The following TEAD3 variants were observed in gnomAD, a reference collection of about 807,000 sequenced individuals.
The protein encoded by TEAD3 is TEA domain transcription factor 3, also known as transcriptional enhancer factor TEF-5.
TEAD3 carries 15 observed loss-of-function variants against 55.6 expected under a neutral mutation model. The observed-to-expected ratio is 0.27, with a 90% CI of 0.18 to 0.42. The LOEUF is 0.42. TEAD3 is among the 10% of genes least tolerant of loss of function. The pLI is 1.00. For synonymous variants in TEAD3, 210 were observed against 232.2 expected (o/e 0.90, Z 0.87); for missense variants, 407 against 576.8 (o/e 0.71, Z 3.01).
rs187414804 is a variant in TEAD3, at chr6:35,488,746, C to T, written c.-49-2035G>A. ...TTTTATTTGTTTTTTATTTTTTAGA[C>T]GGAGTCTTGCTCTGTCGCCCAGGCT... On this transcript the variant is annotated intron_variant, in intron 1 of 12. Coordinates refer to ENST00000639578, the Ensembl canonical transcript of TEAD3. This position sits in a 1 kb window ranked among gnomAD's most constrained non-coding sequence, Gnocchi z 4.2. 1.2e-4 allele frequency among the ~76,000 whole-genome samples: 19 copies of T among 152,060 alleles called. No individual in the cohort carries two copies. Among genetic ancestry groups the T allele is most frequent in the Admixed American group, 9.2e-4 (14 of 15,262 alleles).
intron 3 of TEAD3, among the ~76,000 whole-genome samples, chr6:35,482,712 G>A (rs529796622): frequency 6.6e-6 from 1 of 152,026 alleles, no homozygotes; most frequent in Non-Finnish European, 1.5e-5. Flanking sequence ...AAAAGTTCAA[G>A]AACAACATGG....
rs545093465 is a variant in TEAD3 at position 35,474,971 on chromosome 6, C to A, written c.*73G>T. 9.2e-4 allele frequency: 1,211 copies of A among 1,316,758 alleles called. 1 individual carries two copies. The highest frequency in any genetic ancestry group is 1.1e-3 in the Non-Finnish European group (1,114 of 971,684). The allele number at this position is 1,316,758 out of a possible 1,614,324, so 81.6% of individuals were successfully genotyped here. On this transcript the variant is annotated 3_prime_UTR_variant, in exon 13 of 13. Coordinates refer to ENST00000639578, the Ensembl canonical transcript of TEAD3. Reference sequence around the variant, plus strand: ...GGTAGATGAATCCTCAATCCTGGACCCCCCCAGGGGTGCCAGGCAGGTGTG... The same window carrying A: ...GGTAGATGAATCCTCAATCCTGGACACCCCCAGGGGTGCCAGGCAGGTGTG...
chr6:35,496,823 C>A lies in TEAD3; in HGVS notation c.-50+75G>T, dbSNP rs1042385073. 1.0e-4 allele frequency: 16 copies of A among 152,410 alleles called. No homozygotes were observed. Among genetic ancestry groups the A allele is most frequent in the African/African-American group, 3.6e-4 (15 of 41,434 alleles). The allele number at this position is 152,410 out of a possible 1,614,324, so 9.4% of individuals were successfully genotyped here. Reference sequence around the variant, plus strand: ...GACCCAGTCCCCCTCGAGTGTCGCCCCCCCAGCCAGCCCAGCCGACCAACC... The same window carrying A: ...GACCCAGTCCCCCTCGAGTGTCGCCACCCCAGCCAGCCCAGCCGACCAACC... On this transcript the variant is annotated intron_variant, in intron 1 of 12. Transcript: ENST00000639578. The surrounding 1 kb of genome is among the most constrained non-coding windows in gnomAD (Gnocchi z 4.8).
At chr6:35,478,965 T>C (rs1280354007) in intron 5 of TEAD3, among the ~76,000 whole-genome samples, 2 of 150,586 alleles carry the variant, frequency 1.3e-5, no homozygotes, top group Non-Finnish European at 3.0e-5. Flanking sequence ...CTGCAAGCTC[T>C]GCCTCCTGAG....
rs985938993 is a variant in TEAD3 at position 35,491,514 on chromosome 6, G to A, written c.-49-4803C>T. Among the ~76,000 whole-genome samples, 1 of 152,072 alleles carries A rather than the reference G, an allele frequency of 6.6e-6. No individual in the cohort carries two copies. The highest frequency in any genetic ancestry group is 1.9e-4 in the East Asian group (1 of 5,188). On this transcript the variant is annotated intron_variant, in intron 1 of 12. Transcript: ENST00000639578. The surrounding 1 kb of genome is among the most constrained non-coding windows in gnomAD (Gnocchi z 4.4). ...GAGGCCACTGCCAGGGGCTGGGGCT[G>A]GCCACCATCCAGGACACCCCCACTC...
rs1581728348 is a variant in TEAD3, at chr6:35,488,897, A to G, written c.-49-2186T>C. Among the ~76,000 whole-genome samples the G allele has an allele frequency of 6.6e-6, 1 of 151,898 alleles. No homozygotes were observed. The highest frequency in any genetic ancestry group is 1.9e-4 in the East Asian group (1 of 5,152). The stretch of plus-strand genomic sequence containing the variant: ...GTGGCACGCACCTGTAGCTGGGATT[A>G]CAGGCGCATGCCACCATGCCCAGAT... On this transcript the variant is annotated intron_variant, in intron 1 of 12. Coordinates refer to ENST00000639578, the Ensembl canonical transcript of TEAD3. This position sits in a 1 kb window ranked among gnomAD's most constrained non-coding sequence, Gnocchi z 4.2.
rs779063813 is a variant in TEAD3, at chr6:35,480,294, G to T, written c.268-172C>A. The stretch of plus-strand genomic sequence containing the variant: ...GGGCCCAGGAGGGCTGAAGGCCCCC[G>T]CCAGGCACCCAACATACCTTGATGC... On this transcript the variant is annotated intron_variant, in intron 3 of 12. Coordinates refer to ENST00000639578, the Ensembl canonical transcript of TEAD3. 1 of 1,612,616 alleles carries T rather than the reference G, an allele frequency of 6.2e-7. No homozygotes were observed. Among genetic ancestry groups the T allele is most frequent in the African/African-American group, 1.3e-5 (1 of 74,904 alleles).
At chr6:35,495,404 T>C (rs998242924) in intron 1 of TEAD3, among the ~76,000 whole-genome samples, 2 of 152,152 alleles carry the variant, frequency 1.3e-5, no homozygotes, top group African/African-American at 2.4e-5. Flanking sequence ...CTCATTAGCA[T>C]TAATGACGTT....
At position 35,475,052 on chromosome 6, in the gene TEAD3, T is replaced by C. The variant is rs1321007544; in HGVS notation, c.1300A>G (p.Lys434Glu). The C allele has an allele frequency of 1.9e-6, 3 of 1,581,378 alleles. No homozygotes were observed. In the African/African-American group the frequency reaches 4.0e-5, roughly 21 times the overall value. The change falls in exon 13 of 13, where the codon AAA becomes GAA. Residue 434 changes from lysine (K) to glutamate (E), a missense_variant. Coordinates refer to ENST00000639578, the Ensembl canonical transcript of TEAD3. This position sits in a 1 kb window ranked among gnomAD's most constrained non-coding sequence, Gnocchi z 5.4. Reference sequence around the variant, plus strand: ...GAGGCGCAGAGGGCACCCTAGTCTTTGACGAGCTTGTAGACATGGTGCTGG... The same window carrying C: ...GAGGCGCAGAGGGCACCCTAGTCTTCGACGAGCTTGTAGACATGGTGCTGG...
chr6:35,475,741 A>C lies in TEAD3; in HGVS notation c.901-35T>G. Reference sequence around the variant, plus strand: ...GGGGTGGGGGGTGTTAGGTGCTGGCAGAGACCAGAAGTATTCCCGCCACAC... The same window carrying C: ...GGGGTGGGGGGTGTTAGGTGCTGGCCGAGACCAGAAGTATTCCCGCCACAC... On this transcript the variant is annotated intron_variant, in intron 10 of 12. Coordinates refer to ENST00000639578, the Ensembl canonical transcript of TEAD3. The surrounding 1 kb of genome is among the most constrained non-coding windows in gnomAD (Gnocchi z 5.4). The C allele has an allele frequency of 6.5e-7, 1 of 1,536,072 alleles. No homozygotes were observed. The highest frequency in any genetic ancestry group is 1.3e-5 in the South Asian group (1 of 78,078).
At chr6:35,481,559 G>C (rs934735251) in intron 3 of TEAD3, among the ~76,000 whole-genome samples, 3 of 152,224 alleles carry the variant, frequency 2.0e-5, no homozygotes, top group Non-Finnish European at 4.4e-5. Flanking sequence ...CGCTGTGACA[G>C]TAACTGGCGT....
Position 35,485,414 on chromosome 6 carries a change from G to C in TEAD3, c.203-790C>G, listed in dbSNP as rs1391914220. Among the ~76,000 whole-genome samples the C allele has an allele frequency of 6.6e-6, 1 of 152,116 alleles. No individual in the cohort carries two copies. The highest frequency in any genetic ancestry group is 1.5e-5 in the Non-Finnish European group (1 of 68,020). On this transcript the variant is annotated intron_variant, in intron 2 of 12. Coordinates refer to ENST00000639578, the Ensembl canonical transcript of TEAD3. This position sits in a 1 kb window ranked among gnomAD's most constrained non-coding sequence, Gnocchi z 4.3. The stretch of plus-strand genomic sequence containing the variant: ...CTTGGGCCTGAAAGGGGGATGCCTG[G>C]GCCACACGGCTGAGCCCAAGTCAGC...
intron 1 of TEAD3, among the ~76,000 whole-genome samples, chr6:35,490,922 C>A (rs1768502195): frequency 6.6e-6 from 1 of 151,926 alleles, no homozygotes; most frequent in African/African-American, 2.4e-5. Flanking sequence ...TCTAGAAACT[C>A]TGCCTCGCTG....
exon 9 of TEAD3, chr6:35,476,389 A>G (rs1426720276): frequency 6.2e-7 from 1 of 1,613,132 alleles, no homozygotes; most frequent in South Asian, 1.1e-5. Flanking sequence ...CCTGCCACAC[A>G]GGCACAGAGG....
At chr6:35,493,247 G>A (rs1022981588) in intron 1 of TEAD3, among the ~76,000 whole-genome samples, 6 of 152,156 alleles carry the variant, frequency 3.9e-5, no homozygotes, top group Non-Finnish European at 8.8e-5. Flanking sequence ...ATTTCTAAGT[G>A]TACAATTGAG....
At chr6:35,493,773 G>C (rs1448813915) in intron 1 of TEAD3, among the ~76,000 whole-genome samples, 1 of 152,312 alleles carries the variant, frequency 6.6e-6, no homozygotes, top group Admixed American at 6.5e-5. Flanking sequence ...ACGCACACGC[G>C]CCCGCGCGCT....
chr6:35,477,334 G>A (rs1768170431), exon 8 of TEAD3: 3 of 1,605,706 alleles, frequency 1.9e-6, no homozygotes, highest in South Asian at 1.1e-5. Context: ...CGGCAGGGGC[G>A]GCTGGATGGG....
intron 1 of TEAD3, among the ~76,000 whole-genome samples, chr6:35,489,423 G>C (rs1581728604): frequency 6.6e-6 from 1 of 152,170 alleles, no homozygotes; most frequent in African/African-American, 2.4e-5. Context: ...CCACCTGAGA[G>C]AGAAAGGAGG....
intron 5 of TEAD3, among the ~76,000 whole-genome samples, 199 bp from the exon 6 acceptor site, chr6:35,478,770 G>A (rs1324806896): frequency 6.6e-6 from 1 of 152,010 alleles, no homozygotes; most frequent in Non-Finnish European, 1.5e-5. Flanking sequence ...AGTCCCCCAA[G>A]TGCCCATCAC....
Sources: gnomAD v4.1 joint callset for allele counts (sites outside exome capture counted in the v4.1 genomes callset) on GRCh38, gnomAD v4.1.1 for gene constraint, Gnocchi (gnomAD v3.1) non-coding constraint, MANE v1.5 for transcripts, NCBI Gene and HGNC (gene_info 2026-07-23, HGNC 2026-07-21) for gene names.